Variants in NDST4 observed in about 807,000 individuals in gnomAD.
NDST4 encodes N-deacetylase and N-sulfotransferase 4, also known as N-heparan sulfate sulfotransferase 4.
Under a neutral mutation model 100.8 loss-of-function variants are expected in NDST4, and 63 were observed. That is an observed-to-expected ratio of 0.62 (90% CI 0.51 to 0.77). The LOEUF (loss-of-function observed/expected upper bound fraction) is 0.77. Ranked by LOEUF, NDST4 falls within the 30% of genes least tolerant of loss-of-function variation. The pLI is 0.00. For synonymous variants in NDST4, 377 were observed against 361.8 expected (o/e 1.04, Z -0.48); for missense variants, 943 against 1,018.4 (o/e 0.93, Z 1.01).
chr4:114,933,389 A>G (rs1174192714), intron 6 of NDST4, among the ~76,000 whole-genome samples: 1 of 150,284 alleles, frequency 6.7e-6, no homozygotes, highest in East Asian at 2.1e-4. Context: ...AGTATAGGGA[A>G]AAAACTTTTT....
intron 2 of NDST4, among the ~76,000 whole-genome samples, chr4:115,066,291 T>C (rs1196049678): frequency 2.6e-5 from 4 of 152,208 alleles, no homozygotes; most frequent in African/African-American, 4.8e-5. Context: ...TTTTGGCAAT[T>C]TTTTAAGTGG....
intron 11 of NDST4, 91 bp downstream of exon 11, chr4:114,839,287 G>C: frequency 7.9e-7 from 1 of 1,257,874 alleles, no homozygotes. Flanking sequence ...ATGATAAGCA[G>C]AAGAAAGTAA....
intron 2 of NDST4, among the ~76,000 whole-genome samples, chr4:114,986,891 T>A (rs1431180807): frequency 6.8e-6 from 1 of 146,858 alleles, no homozygotes; most frequent in East Asian, 2.0e-4. Context: ...ACTTATAAAA[T>A]TTTTTTGTCT....
At chr4:115,028,715 T>C (rs1197711281) in intron 2 of NDST4, among the ~76,000 whole-genome samples, 1 of 152,060 alleles carries the variant, frequency 6.6e-6, no homozygotes. Context: ...AAAGACTAAT[T>C]ATGAATAGGA....
chr4:114,914,702 TG>T (rs1370010399), intron 6 of NDST4, among the ~76,000 whole-genome samples: 2 of 152,200 alleles, frequency 1.3e-5, no homozygotes, highest in East Asian at 3.8e-4. Context: ...CAAAAAGTCA[TG>T]GCATTAACCT....
chr4:115,026,233 T>G (rs1727981457), intron 2 of NDST4, among the ~76,000 whole-genome samples: 2 of 152,050 alleles, frequency 1.3e-5, no homozygotes, highest in South Asian at 4.1e-4. Context: ...AGTAAAAAGC[T>G]CTCAAAAAAT....
intron 7 of NDST4, among the ~76,000 whole-genome samples, chr4:114,858,413 G>A (rs895347385): frequency 6.6e-6 from 1 of 152,186 alleles, no homozygotes; most frequent in African/African-American, 2.4e-5. Context: ...CTTCTTTCTG[G>A]TAAAGGAAGC....
chr4:115,070,404 G>A (rs534815232), intron 2 of NDST4, among the ~76,000 whole-genome samples: 4 of 152,262 alleles, frequency 2.6e-5, no homozygotes, highest in African/African-American at 7.2e-5. Flanking sequence ...AGATACTGGA[G>A]GGTGGAGGGT....
chr4:114,964,942 T>A (rs1726347090), intron 4 of NDST4, among the ~76,000 whole-genome samples: 1 of 152,166 alleles, frequency 6.6e-6, no homozygotes, highest in Non-Finnish European at 1.5e-5. Context: ...TCCTTCTTTT[T>A]TCAATGCCTT....
In NDST4 at chr4:115,112,406, G is replaced by A. The variant is rs137994848; in HGVS notation, c.-247+1038C>T. On this transcript the variant is annotated intron_variant, in intron 1 of 13. Coordinates refer to ENST00000264363, the MANE Select transcript of NDST4 (RefSeq NM_022569.3). The stretch of plus-strand genomic sequence containing the variant: ...CAGAAACACATCAGTATCTTGGTAT[G>A]CAATTTATGTTAAAGCATTTATGAA... Among the ~76,000 whole-genome samples the A allele has an allele frequency of 3.5e-3, 535 of 151,894 alleles. 2 individuals carry two copies. Among genetic ancestry groups the A allele is most frequent in the African/African-American group, 0.012 (509 of 41,472 alleles).
intron 2 of NDST4, among the ~76,000 whole-genome samples, chr4:115,057,600 T>C (rs761121840): frequency 6.6e-6 from 1 of 152,146 alleles, no homozygotes; most frequent in Admixed American, 6.6e-5. Flanking sequence ...TAGTTTATAG[T>C]ACACATCGAT....
intron 1 of NDST4, among the ~76,000 whole-genome samples, chr4:115,092,122 A>C (rs1560597222): frequency 6.6e-6 from 1 of 152,196 alleles, no homozygotes; most frequent in Non-Finnish European, 1.5e-5. Context: ...CCATAGAGCA[A>C]ATATTGCACG....
At chr4:114,835,043 C>A (rs1030622892) in intron 11 of NDST4, among the ~76,000 whole-genome samples, 32 of 151,998 alleles carry the variant, frequency 2.1e-4, no homozygotes, top group African/African-American at 7.0e-4. Context: ...CATATATTTT[C>A]TTAATCTTTT....
intron 6 of NDST4, among the ~76,000 whole-genome samples, chr4:114,929,058 G>A (rs556151700): frequency 9.1e-5 from 9 of 99,012 alleles, no homozygotes; most frequent in South Asian, 1.1e-3. Context: ...CCGTCCGTCC[G>A]TCCGTCCGTC....
At position 114,903,142 on chromosome 4, in the gene NDST4, C is replaced by T. The variant is rs572037813; in HGVS notation, c.1536+32064G>A. Reference sequence around the variant, plus strand: ...GCCTTTTAGTATGCCTTGTATGCTTCGTAATTTTTTCTTGGCAGCCAGATA... The same window carrying T: ...GCCTTTTAGTATGCCTTGTATGCTTTGTAATTTTTTCTTGGCAGCCAGATA... On this transcript the variant is annotated intron_variant, in intron 6 of 13. Transcript: ENST00000264363. 5.5e-4 allele frequency among the ~76,000 whole-genome samples: 84 copies of T among 152,092 alleles called. 4 individuals carry two copies. The highest frequency in any genetic ancestry group is 2.3e-3 in the South Asian group (11 of 4,828).
chr4:115,040,905 C>A (rs1728335406), intron 2 of NDST4, among the ~76,000 whole-genome samples: 1 of 151,736 alleles, frequency 6.6e-6, no homozygotes, highest in South Asian at 2.1e-4. Flanking sequence ...AAACAAAAAA[C>A]AAGTAATTGC....
chr4:115,011,471 T>C (rs1332372976), intron 2 of NDST4, among the ~76,000 whole-genome samples: 2 of 151,934 alleles, frequency 1.3e-5, no homozygotes, highest in African/African-American at 2.4e-5. Context: ...CTATTTTTTT[T>C]TTTTCCTGCA....
intron 2 of NDST4, among the ~76,000 whole-genome samples, chr4:115,045,111 T>G (rs1171572499): frequency 2.6e-5 from 4 of 152,036 alleles, no homozygotes; most frequent in African/African-American, 9.7e-5. Context: ...GAATGAAGTC[T>G]AATAAGAGAA....
chr4:114,873,824 T>C (rs1271205469), intron 6 of NDST4, among the ~76,000 whole-genome samples: 1 of 152,106 alleles, frequency 6.6e-6, no homozygotes, highest in African/African-American at 2.4e-5. Context: ...GAAAATAGTA[T>C]GAAAAACCAG....
Sources: allele counts gnomAD v4.1 joint callset (sites outside exome capture counted in the v4.1 genomes callset), GRCh38; gene constraint gnomAD v4.1.1; transcripts MANE v1.5; gene names NCBI Gene and HGNC (gene_info 2026-07-23, HGNC 2026-07-21).